FAM171A1: variants seen among roughly 807,000 people sequenced by gnomAD.
The protein encoded by FAM171A1 is family with sequence similarity 171 member A1.
FAM171A1 carries 23 observed loss-of-function variants against 74.9 expected under a neutral mutation model. That is an observed-to-expected ratio of 0.31 (90% confidence interval 0.22 to 0.44). The LOEUF is 0.44. Ranked by LOEUF, FAM171A1 falls within the 20% of genes least tolerant of loss-of-function variation. FAM171A1 has a pLI of 1.00. For missense variants in FAM171A1, 1,162 were observed against 1,159.2 expected (o/e 1.00, Z -0.03); for synonymous variants, 527 against 505.7 (o/e 1.04, Z -0.57).
rs980156508 is a variant in FAM171A1 at position 15,211,745 on chromosome 10, T to C, written c.*1170A>G. Reference sequence around the variant, plus strand: ...GAGTCATTCTGGCACTTTTGGATAGTACATAAGATTTTCTTTTTTTTTTTT... The same window carrying C: ...GAGTCATTCTGGCACTTTTGGATAGCACATAAGATTTTCTTTTTTTTTTTT... On this transcript the variant is annotated 3_prime_UTR_variant, in exon 8 of 8. Transcript: ENST00000378116. 6.6e-6 allele frequency: 1 copy of C among 151,642 alleles called. No individual in the cohort carries two copies. Among genetic ancestry groups the C allele is most frequent in the South Asian group, 2.1e-4 (1 of 4,826 alleles). The allele number at this position is 151,642 out of a possible 1,614,324, so 9.4% of individuals were successfully genotyped here.
At chr10:15,351,882 G>A (rs946531537) in intron 1 of FAM171A1, among the ~76,000 whole-genome samples, 5 of 151,816 alleles carry the variant, frequency 3.3e-5, no homozygotes, top group African/African-American at 9.7e-5. Context: ...GCAAAACTTC[G>A]TCTCTACAAA....
chr10:15,319,040 C>CA (rs1429878475), intron 1 of FAM171A1, among the ~76,000 whole-genome samples: 4 of 152,184 alleles, frequency 2.6e-5, no homozygotes, highest in African/African-American at 9.7e-5. Flanking sequence ...CTTTGGTCTA[C>CA]AGGAGGCCAT....
chr10:15,271,636 G>T (rs185790114), intron 3 of FAM171A1, among the ~76,000 whole-genome samples: 161 of 152,312 alleles, frequency 1.1e-3, no homozygotes, highest in African/African-American at 3.5e-3. Flanking sequence ...CAGAGACAAA[G>T]GTCGGATTAC....
At chr10:15,335,971 T>C (rs12411755) in intron 1 of FAM171A1, among the ~76,000 whole-genome samples, 2,503 of 152,332 alleles carry the variant, frequency 0.016, 23 homozygotes, top group South Asian at 0.053. Context: ...TTGCAAAGAA[T>C]TCTTTTAATC....
At chr10:15,226,083 C>T (rs1834102784) in intron 5 of FAM171A1, among the ~76,000 whole-genome samples, 1 of 152,216 alleles carries the variant, frequency 6.6e-6, no homozygotes. Flanking sequence ...GAGGTGGCCG[C>T]TGGGACTTGC....
intron 1 of FAM171A1, among the ~76,000 whole-genome samples, chr10:15,359,450 TC>T (rs1342283549): frequency 7.2e-5 from 11 of 152,120 alleles, no homozygotes. Context: ...GCAGTCTTTT[TC>T]CTCCTTCTCA....
intron 1 of FAM171A1, among the ~76,000 whole-genome samples, chr10:15,346,162 C>G (rs970513778): frequency 4.6e-5 from 7 of 152,174 alleles, no homozygotes; most frequent in Admixed American, 2.0e-4. Context: ...ATGCAGTGAT[C>G]TCAGCTCACT....
intron 3 of FAM171A1, among the ~76,000 whole-genome samples, chr10:15,263,639 C>T (rs1366687079): frequency 2.6e-5 from 4 of 152,152 alleles, no homozygotes. Flanking sequence ...CCCTCACCAT[C>T]CTGTTATCCT....
intron 3 of FAM171A1, among the ~76,000 whole-genome samples, chr10:15,273,295 A>T (rs1834851024): frequency 6.6e-6 from 1 of 152,252 alleles, no homozygotes; most frequent in Admixed American, 6.5e-5. Context: ...AATCTAGAAG[A>T]AACGGATAAA....
chr10:15,341,627 G>C (rs1023251965), intron 1 of FAM171A1, among the ~76,000 whole-genome samples: 1 of 152,198 alleles, frequency 6.6e-6, no homozygotes, highest in Non-Finnish European at 1.5e-5. Context: ...GCAACAGGAA[G>C]AAAGTATCAG....
chr10:15,366,335 G>A (rs1395119778), intron 1 of FAM171A1, among the ~76,000 whole-genome samples: 1 of 152,114 alleles, frequency 6.6e-6, no homozygotes, highest in Non-Finnish European at 1.5e-5. Context: ...GGCCAGGCTG[G>A]TCTTGAACTT....
chr10:15,316,094 C>G (rs771166530), intron 1 of FAM171A1, among the ~76,000 whole-genome samples: 1 of 152,184 alleles, frequency 6.6e-6, no homozygotes, highest in South Asian at 2.1e-4. Flanking sequence ...CTAAACCTCA[C>G]GTTACGGATA....
intron 1 of FAM171A1, among the ~76,000 whole-genome samples, chr10:15,290,226 A>AT (rs1835087389): frequency 6.7e-6 from 1 of 150,274 alleles, no homozygotes; most frequent in Non-Finnish European, 1.5e-5. Context: ...AAAAAAAAAA[A>AT]GCCACCACAC....
At chr10:15,292,667 C>G in intron 1 of FAM171A1, among the ~76,000 whole-genome samples, 1 of 152,012 alleles carries the variant, frequency 6.6e-6, no homozygotes, top group Admixed American at 6.6e-5. Flanking sequence ...ATATTTTTAG[C>G]AGAGATGCGG....
intron 3 of FAM171A1, among the ~76,000 whole-genome samples, chr10:15,266,386 C>A (rs937466204): frequency 3.3e-5 from 5 of 152,162 alleles, no homozygotes; most frequent in African/African-American, 1.2e-4. Flanking sequence ...CCTCGGCTGC[C>A]AGGGGCAGGC....
chr10:15,276,660 C>T (rs540147611), intron 2 of FAM171A1, among the ~76,000 whole-genome samples: 1 of 152,262 alleles, frequency 6.6e-6, no homozygotes, highest in African/African-American at 2.4e-5. Flanking sequence ...ATCCTGGGAA[C>T]TAATAACATG....
intron 1 of FAM171A1, among the ~76,000 whole-genome samples, chr10:15,328,603 G>T (rs952588147): frequency 3.9e-5 from 6 of 152,206 alleles, no homozygotes; most frequent in Non-Finnish European, 2.9e-5. Flanking sequence ...CTCAAGCTCG[G>T]GTTTTCCTGA....
chr10:15,247,414 G>T (rs542893896), intron 5 of FAM171A1, among the ~76,000 whole-genome samples: 1 of 152,120 alleles, frequency 6.6e-6, no homozygotes, highest in Admixed American at 6.5e-5. Flanking sequence ...TGGGATTTCA[G>T]GTGTGAGCCA....
At chr10:15,284,778 C>T (rs1835015618) in intron 1 of FAM171A1, among the ~76,000 whole-genome samples, 1 of 152,150 alleles carries the variant, frequency 6.6e-6, no homozygotes, top group African/African-American at 2.4e-5. Context: ...ATGGTATTTG[C>T]AAGCTGCCGT....
Sources: gnomAD v4.1 joint callset for allele counts (sites outside exome capture counted in the v4.1 genomes callset) on GRCh38, gnomAD v4.1.1 for gene constraint, MANE v1.5 for transcripts, NCBI Gene and HGNC (gene_info 2026-07-23, HGNC 2026-07-21) for gene names.